Variants in PAXIP1 observed in about 807,000 individuals in gnomAD.
The protein encoded by PAXIP1 is PAX interacting protein 1.
A neutral mutation model predicts 140.6 loss-of-function variants in PAXIP1; 19 were observed. The ratio of observed to expected loss-of-function variants is 0.14; its 90% confidence interval spans 0.09 to 0.20. The LOEUF is 0.20. PAXIP1 is among the 10% of genes least tolerant of loss of function. The pLI, the probability that PAXIP1 is intolerant of heterozygous loss-of-function variation, is 1.00. For synonymous variants in PAXIP1, 442 were observed against 444.6 expected (o/e 0.99, Z 0.07); for missense variants, 920 against 1,208.6 (o/e 0.76, Z 3.54).
rs1058834 is a variant in PAXIP1, at chr7:154,969,075, G to A, written c.1126C>T (p.His376Tyr). Reference sequence around the variant, plus strand: ...GCATTTGTATGTCCCTGCTGGCTGTGATTCACCTGCTGTTCTAAATTTTTC... The same window carrying A: ...GCATTTGTATGTCCCTGCTGGCTGTAATTCACCTGCTGTTCTAAATTTTTC... ...PTKNLEQQVN[H>Y]SQQGHTNANA... The change falls in exon 7 of 21, where the codon CAC becomes TAC. Residue 376 changes from histidine (H) to tyrosine (Y), a missense_variant. By Grantham distance (83) the His-to-Tyr change is moderately conservative. Transcript: ENST00000404141. 3,050 of 1,507,070 alleles carry A rather than the reference G, an allele frequency of 2.0e-3. 3 individuals carry two copies. The highest frequency in any genetic ancestry group is 2.5e-3 in the Non-Finnish European group (2,841 of 1,121,964). The allele number at this position is 1,507,070 out of a possible 1,614,324, so 93.4% of individuals were successfully genotyped here. A position where few individuals can be genotyped will look rare whatever the true frequency, so the allele number is the denominator to read the frequency against.
intron 16 of PAXIP1, among the ~76,000 whole-genome samples, chr7:154,952,910 C>T (rs976917700): frequency 6.6e-6 from 1 of 151,476 alleles, no homozygotes; most frequent in East Asian, 1.9e-4. Flanking sequence ...TTTAACTTTA[C>T]TTCTAGCTTT....
chr7:154,944,107 C>G lies in PAXIP1; in HGVS notation c.*42G>C. The G allele has an allele frequency of 3.7e-6, 6 of 1,608,632 alleles. No individual in the cohort carries two copies. Among genetic ancestry groups the G allele is most frequent in the Non-Finnish European group, 5.1e-6 (6 of 1,176,266 alleles). Reference sequence around the variant, plus strand: ...GCTCCTCGCCAGCCAGACAGCCAGCCCCGCACCGCAGGAGTCGACATGCAC... The same window carrying G: ...GCTCCTCGCCAGCCAGACAGCCAGCGCCGCACCGCAGGAGTCGACATGCAC... On this transcript the variant is annotated 3_prime_UTR_variant, in exon 21 of 21. Coordinates refer to ENST00000404141, the MANE Select transcript of PAXIP1 (RefSeq NM_007349.4).
At chr7:154,997,495 CATTTAATAACATG>C (rs1301955575) in intron 2 of PAXIP1, among the ~76,000 whole-genome samples, 1 of 152,058 alleles carries the variant, frequency 6.6e-6, no homozygotes, top group Non-Finnish European at 1.5e-5. Context: ...TAAGGCAAAG[CATTTAATAACATG>C]AAGAGGGAAA....
In PAXIP1 at chr7:154,969,087, G is replaced by C. The variant is rs1335468907; in HGVS notation, c.1114C>G (p.Gln372Glu). Residue 372 changes from glutamine (Q) to glutamate (E), a missense_variant, in exon 7 of 21, where the codon CAG becomes GAG. By Grantham distance (29) the Gln-to-Glu change is conservative. Coordinates refer to ENST00000404141, the MANE Select transcript of PAXIP1 (RefSeq NM_007349.4). ...TLSAPTKNLEQQVNHSQQGHT... is the reference protein window; with the variant it reads ...TLSAPTKNLEEQVNHSQQGHT... ...CCCTGCTGGCTGTGATTCACCTGCT[G>C]TTCTAAATTTTTCGTAGGTGCTGAA... The C allele has an allele frequency of 6.7e-7, 1 of 1,492,228 alleles. No homozygotes were observed. The highest frequency in any genetic ancestry group is 9.0e-7 in the Non-Finnish European group (1 of 1,116,024). The allele number at this position is 1,492,228 out of a possible 1,614,324, so 92.4% of individuals were successfully genotyped here.
intron 6 of PAXIP1, among the ~76,000 whole-genome samples, chr7:154,970,503 G>T (rs973460706): frequency 6.6e-6 from 1 of 152,216 alleles, no homozygotes; most frequent in African/African-American, 2.4e-5. Context: ...CAAGACTTCA[G>T]AAACACCTGA....
intron 2 of PAXIP1, among the ~76,000 whole-genome samples, chr7:154,997,317 ATC>A (rs1810681969): frequency 1.3e-5 from 2 of 152,136 alleles, no homozygotes; most frequent in African/African-American, 4.8e-5. Context: ...CACAGGTGTG[ATC>A]ACAGTGCATG....
At chr7:154,968,006 T>G in intron 7 of PAXIP1, 96 bp from the exon 8 acceptor site, 1 of 738,542 alleles carries the variant, frequency 1.4e-6, no homozygotes, top group Non-Finnish European at 2.3e-6. Context: ...CAATCTGTTA[T>G]GTTTATCAGT....
chr7:154,969,176 T>C lies in PAXIP1; in HGVS notation c.1075-50A>G, dbSNP rs1397827849. The C allele has an allele frequency of 2.1e-6, 3 of 1,430,958 alleles. No homozygotes were observed. In the African/African-American group the frequency reaches 4.3e-5, roughly 21 times the overall value. 88.6% of individuals were successfully genotyped at this position (1,430,958 alleles called of 1,614,324 possible). A position where few individuals can be genotyped will look rare whatever the true frequency, so the allele number is the denominator to read the frequency against. ...CATTATCAACAGTTCCTGAAACAGA[T>C]GAATGATAATTTCTTAGTCAAGAGA... On this transcript the variant is annotated intron_variant, in intron 6 of 20. Transcript: ENST00000404141.
chr7:154,961,440 G>T, intron 11 of PAXIP1, 87 bp downstream of exon 11: 2 of 1,083,626 alleles, frequency 1.8e-6, no homozygotes, highest in South Asian at 1.8e-5. Context: ...ACAAAACTAT[G>T]ACATACTAAA....
intron 2 of PAXIP1, among the ~76,000 whole-genome samples, chr7:154,995,087 G>A (rs903750173): frequency 6.6e-6 from 1 of 152,166 alleles, no homozygotes; most frequent in Non-Finnish European, 1.5e-5. Context: ...ATGATGCCAT[G>A]ACTGAGCACT....
At position 154,993,735 on chromosome 7, in the gene PAXIP1, G is replaced by C. The variant is rs771191824; in HGVS notation, c.251C>G (p.Thr84Ser). Residue 84 changes from threonine to serine, a missense_variant, in exon 3 of 21, where the codon ACT (threonine) becomes AGT (serine). Thr to Ser is a moderately conservative substitution (Grantham distance 58, BLOSUM62 1). Around this residue, in one of 5 missense-constraint regions of PAXIP1, gnomAD observed 419 missense variants for 514.7 expected, o/e 0.81. Transcript: ENST00000404141. Reference protein sequence around the residue: ...SWVILSVQCGTLLPVNGFSPE... With the variant: ...SWVILSVQCGSLLPVNGFSPE... ...TCAAAAAAAAGGATACGGCAGAAGA[G>C]TTCCACACTGAACGGACAGAATCAC... is the stretch of plus-strand genomic sequence containing the variant. 1.3e-6 allele frequency: 2 copies of C among 1,593,126 alleles called. No homozygotes were observed. Among genetic ancestry groups the C allele is most frequent in the Non-Finnish European group, 8.5e-7 (1 of 1,170,022 alleles).
chr7:154,969,117 T>C lies in PAXIP1; in HGVS notation c.1084A>G (p.Thr362Ala). 2 of 1,462,502 alleles carry C rather than the reference T, an allele frequency of 1.4e-6. No homozygotes were observed. Among genetic ancestry groups the C allele is most frequent in the Non-Finnish European group, 1.8e-6 (2 of 1,104,250 alleles). The allele number at this position is 1,462,502 out of a possible 1,614,324, so 90.6% of individuals were successfully genotyped here. Residue 362 changes from threonine to alanine, a missense_variant, in exon 7 of 21, where the codon ACT becomes GCT. By Grantham distance (58) the Thr-to-Ala change is moderately conservative (BLOSUM62 0). This residue lies in a region of PAXIP1 where 419 missense variants were observed against 514.7 expected (regional missense o/e 0.81). Transcript: ENST00000404141. ...RPSNVAHILQ[T>A]LSAPTKNLEQ... The stretch of plus-strand genomic sequence containing the variant: ...AAATTTTTCGTAGGTGCTGAAAGAG[T>C]CTGTAAGATCTACAAAACAAAAGTT...
intron 1 of PAXIP1, chr7:155,000,847 C>T (rs1810855419): frequency 6.6e-6 from 1 of 152,210 alleles, no homozygotes; most frequent in Non-Finnish European, 1.5e-5. Context: ...AATATTCCTT[C>T]ATGTTCTTAA....
chr7:154,953,837 G>A (rs575500440), intron 16 of PAXIP1, among the ~76,000 whole-genome samples: 4 of 152,222 alleles, frequency 2.6e-5, no homozygotes, highest in African/African-American at 9.6e-5. Flanking sequence ...TGGGCAAGAG[G>A]ACATAGATGT....
intron 11 of PAXIP1, 52 bp from the exon 12 acceptor site, chr7:154,961,129 C>A (rs538169912): frequency 6.1e-6 from 8 of 1,305,060 alleles, no homozygotes; most frequent in Middle Eastern, 1.9e-4. Flanking sequence ...GAGATGTCAA[C>A]TGTCCAAATG....
rs140813286 is a variant in PAXIP1, at chr7:154,990,283, C to T, written c.324+723G>A. ...TTCAAACCCCTGACCTCAGGTGATC[C>T]GCCCACCTCGGCCTCCCAAAGTGCT... is the stretch of plus-strand genomic sequence containing the variant. On this transcript the variant is annotated intron_variant, in intron 4 of 20. Coordinates refer to ENST00000404141, the MANE Select transcript of PAXIP1 (RefSeq NM_007349.4). 3.6e-3 allele frequency among the ~76,000 whole-genome samples: 544 copies of T among 152,150 alleles called. 5 individuals are homozygous for T. Among genetic ancestry groups the T allele is most frequent in the African/African-American group, 0.012 (510 of 41,522 alleles).
At chr7:154,995,218 G>A (rs1031931778) in intron 2 of PAXIP1, among the ~76,000 whole-genome samples, 1 of 152,218 alleles carries the variant, frequency 6.6e-6, no homozygotes, top group African/African-American at 2.4e-5. Context: ...GATTCTTCCT[G>A]TGTAAAGTGG....
chr7:155,000,804 C>T (rs752875797), intron 1 of PAXIP1: 7 of 152,230 alleles, frequency 4.6e-5, no homozygotes, highest in Non-Finnish European at 1.0e-4. Flanking sequence ...CGCATGAATG[C>T]CTTCATTCCT....
At chr7:154,969,201 A>G in intron 6 of PAXIP1, 75 bp from the exon 7 acceptor site, 1 of 1,395,706 alleles carries the variant, frequency 7.2e-7, no homozygotes, top group East Asian at 2.5e-5. Flanking sequence ...TAGTCAAGAG[A>G]ATGGCATATC....
Sources: gnomAD v4.1 joint callset for allele counts (sites outside exome capture counted in the v4.1 genomes callset) on GRCh38, gnomAD v4.1.1 for gene constraint, gnomAD v4.1.1 regional missense constraint, MANE v1.5 for transcripts, NCBI Gene and HGNC (gene_info 2026-07-23, HGNC 2026-07-21) for gene names.